TMTC1: variants seen among roughly 807,000 people sequenced by gnomAD.
TMTC1 encodes protein O-mannosyl-transferase TMTC1.
A neutral mutation model predicts 104.8 loss-of-function variants in TMTC1; 73 were observed. That is an observed-to-expected ratio of 0.70 (90% CI 0.58 to 0.85). TMTC1 has a LOEUF of 0.85. TMTC1 is among the 40% of genes least tolerant of loss of function. The pLI is 0.00. For missense variants in TMTC1, 1,035 were observed against 1,096.1 expected, an observed-to-expected ratio of 0.94 and a Z score of 0.79; for synonymous variants, 434 against 428.7, an observed-to-expected ratio of 1.01 and a Z score of -0.15.
intron 5 of TMTC1, among the ~76,000 whole-genome samples, chr12:29,677,281 T>G (rs1414936778): frequency 6.6e-6 from 1 of 152,218 alleles, no homozygotes; most frequent in Non-Finnish European, 1.5e-5. Flanking sequence ...TTGTGATTTT[T>G]TTGTTGTTGT....
chr12:29,682,591 G>A (rs1444658990), intron 5 of TMTC1, among the ~76,000 whole-genome samples: 1 of 152,176 alleles, frequency 6.6e-6, no homozygotes, highest in African/African-American at 2.4e-5. Context: ...AATTATTGAT[G>A]CAGTCAACAA....
At chr12:29,513,582 G>T (rs1943900292) in intron 16 of TMTC1, among the ~76,000 whole-genome samples, 1 of 151,936 alleles carries the variant, frequency 6.6e-6, no homozygotes, top group African/African-American at 2.4e-5. Flanking sequence ...CAACACAATT[G>T]TATCATTTGA....
chr12:29,520,721 C>A lies in TMTC1; in HGVS notation c.1786-1G>T. ...TTTCTTCAGCTTCTTTAAACCGCTC[C>A]TTTAAAAAGAAAGAAACAAACAAAA... On this transcript the variant is annotated splice_acceptor_variant, in intron 11 of 17. Transcript: ENST00000539277. LOFTEE classifies it high-confidence loss of function. 1 of 1,604,948 alleles carries A rather than the reference C, an allele frequency of 6.2e-7. No individual in the cohort carries two copies. Among genetic ancestry groups the A allele is most frequent in the Non-Finnish European group, 8.5e-7 (1 of 1,176,942 alleles).
At position 29,680,575 on chromosome 12, in the gene TMTC1, A is replaced by G. The variant is rs547657643; in HGVS notation, c.939-47239T>C. ...AACTACGTTACAGTCAATATTGCCT[A>G]TGGTAATATTATCCCTGATTGATAA... On this transcript the variant is annotated intron_variant, in intron 5 of 17. Transcript: ENST00000539277. Among the ~76,000 whole-genome samples, 176 of 152,324 alleles carry G rather than the reference A, an allele frequency of 1.2e-3. No homozygotes were observed. The Middle Eastern group carries it at 0.014, about 12-fold the overall frequency.
chr12:29,781,564 T>C (rs1180173299), intron 1 of TMTC1, among the ~76,000 whole-genome samples: 1 of 152,222 alleles, frequency 6.6e-6, no homozygotes, highest in African/African-American at 2.4e-5. Context: ...CAGTAGCTCA[T>C]GCCCACAAGT....
chr12:29,753,719 A>C (rs971538095), intron 4 of TMTC1, among the ~76,000 whole-genome samples: 2 of 152,216 alleles, frequency 1.3e-5, no homozygotes, highest in African/African-American at 4.8e-5. Context: ...CTCCACCAAC[A>C]TCTTAGATGC....
chr12:29,694,577 T>C (rs1004673191), intron 5 of TMTC1, among the ~76,000 whole-genome samples: 2 of 152,102 alleles, frequency 1.3e-5, no homozygotes, highest in Non-Finnish European at 2.9e-5. Flanking sequence ...TCCACGGATA[T>C]GGAAGGCTGG....
At chr12:29,746,761 G>A (rs752252082) in intron 5 of TMTC1, among the ~76,000 whole-genome samples, 4 of 152,104 alleles carry the variant, frequency 2.6e-5, no homozygotes, top group Non-Finnish European at 5.9e-5. Context: ...GTACACCTAT[G>A]TGCAAGGTAT....
intron 5 of TMTC1, among the ~76,000 whole-genome samples, chr12:29,683,623 G>A (rs756733058): frequency 5.3e-5 from 8 of 152,124 alleles, no homozygotes; most frequent in Admixed American, 1.3e-4. Context: ...GTTCTGAAAA[G>A]CGCTGCTAAA....
At chr12:29,660,736 T>G in intron 5 of TMTC1, 22 of 508,820 alleles carry the variant, frequency 4.3e-5, no homozygotes, top group East Asian at 9.3e-5. Flanking sequence ...ATGTCTGAGC[T>G]GAGATAGAGT....
chr12:29,711,461 T>A (rs937965389), intron 5 of TMTC1, among the ~76,000 whole-genome samples: 1 of 152,212 alleles, frequency 6.6e-6, no homozygotes, highest in African/African-American at 2.4e-5. Flanking sequence ...GTGTACATTA[T>A]CCTCCATGTG....
intron 5 of TMTC1, among the ~76,000 whole-genome samples, chr12:29,684,794 C>CCACA (rs368177914): frequency 6.6e-6 from 1 of 151,340 alleles, no homozygotes; most frequent in Non-Finnish European, 1.5e-5. Context: ...CCCTCTCCGG[C>CCACA]CACACACACA....
intron 5 of TMTC1, among the ~76,000 whole-genome samples, chr12:29,747,828 T>C (rs1221015879): frequency 6.6e-6 from 1 of 152,170 alleles, no homozygotes; most frequent in East Asian, 1.9e-4. Flanking sequence ...CAACCAGCAT[T>C]TCACCCTTTG....
chr12:29,586,624 A>C (rs931034745), intron 7 of TMTC1, among the ~76,000 whole-genome samples: 2 of 151,874 alleles, frequency 1.3e-5, no homozygotes, highest in African/African-American at 2.4e-5. Flanking sequence ...TACCTAATTT[A>C]TTGAGAGTTT....
intron 9 of TMTC1, among the ~76,000 whole-genome samples, chr12:29,564,767 CAA>C (rs923468163): frequency 2.0e-5 from 3 of 152,124 alleles, no homozygotes; most frequent in Non-Finnish European, 2.9e-5. Flanking sequence ...AGGAGGAAAA[CAA>C]GAGATACAGA....
intron 5 of TMTC1, among the ~76,000 whole-genome samples, chr12:29,678,991 CAGAA>C (rs1386006209): frequency 6.6e-6 from 1 of 152,078 alleles, no homozygotes; most frequent in Non-Finnish European, 1.5e-5. Context: ...CCGAAATGCA[CAGAA>C]AGAGTTATGT....
At chr12:29,519,225 T>C (rs1389086600) in intron 12 of TMTC1, 5 of 149,130 alleles carry the variant, frequency 3.4e-5, no homozygotes, top group East Asian at 3.9e-4. Context: ...TACATTTGTA[T>C]GGTTTTTGCA....
intron 5 of TMTC1, among the ~76,000 whole-genome samples, chr12:29,657,949 T>TA (rs1218383949): frequency 1.3e-5 from 2 of 151,634 alleles, no homozygotes; most frequent in Admixed American, 6.6e-5. Flanking sequence ...CTGCTAAAAA[T>TA]AAAAAAATTA....
chr12:29,650,342 C>T (rs1939458748), intron 5 of TMTC1, among the ~76,000 whole-genome samples: 1 of 152,116 alleles, frequency 6.6e-6, no homozygotes, highest in African/African-American at 2.4e-5. Flanking sequence ...GCCTAAGCCT[C>T]CCAAAGTGCC....
Sources: gnomAD v4.1 joint callset for allele counts (sites outside exome capture counted in the v4.1 genomes callset) on GRCh38, gnomAD v4.1.1 for gene constraint, MANE v1.5 for transcripts, NCBI Gene and HGNC (gene_info 2026-07-23, HGNC 2026-07-21) for gene names.